Variants in GSK3B observed in about 807,000 individuals in gnomAD.
The protein encoded by GSK3B is glycogen synthase kinase-3 beta.
In GSK3B, 15 loss-of-function variants were observed where a neutral mutation model predicts 56.4. The observed-to-expected ratio is 0.27, with a 90% confidence interval of 0.18 to 0.41. The LOEUF is 0.41. Ranked by LOEUF, GSK3B falls within the 10% of genes least tolerant of loss-of-function variation. GSK3B has a pLI of 1.00. For missense variants in GSK3B, 300 were observed against 513.4 expected (o/e 0.58, Z 4.02); for synonymous variants, 181 against 188.9 (o/e 0.96, Z 0.34).
At chr3:119,836,478 A>C (rs896693869) in intron 10 of GSK3B, among the ~76,000 whole-genome samples, 11 of 152,170 alleles carry the variant, frequency 7.2e-5, no homozygotes, top group African/African-American at 2.7e-4. Flanking sequence ...TTAAACTCAC[A>C]ATCTATAGTC....
At chr3:119,938,908 T>C (rs2057021155) in intron 3 of GSK3B, among the ~76,000 whole-genome samples, 1 of 152,022 alleles carries the variant, frequency 6.6e-6, no homozygotes, top group Non-Finnish European at 1.5e-5. Context: ...TCTCAGGCAC[T>C]GGGCTAAGCA....
rs368751527 is a variant in GSK3B, at chr3:119,933,483, A to G, written c.367-10000T>C. On this transcript the variant is annotated intron_variant, in intron 3 of 10. Transcript: ENST00000264235. The stretch of plus-strand genomic sequence containing the variant: ...GCATGCATAAAATTTGTGAAGAGCA[A>G]GAAATTAAAAACACATCTGCATGCC... 9.8e-5 allele frequency among the ~76,000 whole-genome samples: 15 copies of G among 152,374 alleles called. 1 individual carries two copies. In the East Asian group the frequency reaches 2.3e-3, roughly 23 times the overall value.
chr3:120,001,879 T>A (rs2057680322), intron 2 of GSK3B, among the ~76,000 whole-genome samples, 167 bp downstream of exon 2: 1 of 152,210 alleles, frequency 6.6e-6, no homozygotes, highest in South Asian at 2.1e-4. Flanking sequence ...GTGAATGTTA[T>A]CTCTACAAAA....
At chr3:119,852,351 T>C (rs181718344) in intron 9 of GSK3B, among the ~76,000 whole-genome samples, 1 of 150,936 alleles carries the variant, frequency 6.6e-6, no homozygotes, top group African/African-American at 2.5e-5. Flanking sequence ...TTCAGAACTC[T>C]ATTTTTTTTT....
chr3:119,826,523 ATG>A lies in GSK3B; in HGVS notation c.*263_*264del. 1.7e-6 allele frequency: 1 copy of A among 574,042 alleles called. No homozygotes were observed. Among genetic ancestry groups the A allele is most frequent in the Middle Eastern group, 4.8e-4 (1 of 2,088 alleles). 35.6% of individuals were successfully genotyped at this position (574,042 alleles called of 1,614,324 possible). ...AAGATTGTCGTGGGAGAGAGATTGT[ATG>A]TTCTAGTGCTCCGCTTTCCCCCTCC... On this transcript the variant is annotated 3_prime_UTR_variant, in exon 11 of 11. Transcript: ENST00000264235.
At chr3:120,088,171 C>T (rs1357456941) in intron 1 of GSK3B, among the ~76,000 whole-genome samples, 1 of 152,164 alleles carries the variant, frequency 6.6e-6, no homozygotes, top group African/African-American at 2.4e-5. Flanking sequence ...GGATTACAGG[C>T]GTGAGCCACC....
chr3:120,053,104 AGGTG>A (rs1467013900), intron 1 of GSK3B, among the ~76,000 whole-genome samples: 2 of 152,176 alleles, frequency 1.3e-5, no homozygotes, highest in South Asian at 2.1e-4. Context: ...TGGGAGGCCG[AGGTG>A]GGTGGATCAC....
At chr3:120,021,669 C>T (rs903522040) in intron 1 of GSK3B, among the ~76,000 whole-genome samples, 4 of 152,154 alleles carry the variant, frequency 2.6e-5, no homozygotes, top group Non-Finnish European at 4.4e-5. Flanking sequence ...GAATTAGAAA[C>T]AGAGCCTGAA....
intron 10 of GSK3B, among the ~76,000 whole-genome samples, chr3:119,832,537 T>C (rs192699246): frequency 6.6e-6 from 1 of 152,150 alleles, no homozygotes; most frequent in Admixed American, 6.5e-5. Context: ...CATTTAGGGG[T>C]TGCACTCACA....
chr3:119,970,925 T>C (rs894673236), intron 2 of GSK3B, among the ~76,000 whole-genome samples: 5 of 152,232 alleles, frequency 3.3e-5, no homozygotes, highest in African/African-American at 9.6e-5. Flanking sequence ...TAAATGAAAA[T>C]ATCACTTCAC....
chr3:119,851,560 G>A (rs2055931109), intron 9 of GSK3B, among the ~76,000 whole-genome samples: 1 of 152,116 alleles, frequency 6.6e-6, no homozygotes, highest in African/African-American at 2.4e-5. Context: ...GAATCAGAGG[G>A]AAGAAAATCA....
intron 7 of GSK3B, among the ~76,000 whole-genome samples, chr3:119,889,415 A>G (rs1429900463): frequency 1.3e-5 from 2 of 152,164 alleles, no homozygotes; most frequent in African/African-American, 2.4e-5. Context: ...ACTATAGCAC[A>G]AAGAACAGGA....
At chr3:120,092,379 T>G (rs1030372860) in intron 1 of GSK3B, among the ~76,000 whole-genome samples, 14 of 152,164 alleles carry the variant, frequency 9.2e-5, no homozygotes, top group African/African-American at 2.9e-4. Flanking sequence ...TCTAACTAAA[T>G]CCACAGTTAT....
chr3:119,863,648 T>A, intron 8 of GSK3B, 43 bp from the exon 9 acceptor site: 1 of 1,223,158 alleles, frequency 8.2e-7, no homozygotes, highest in South Asian at 1.3e-5. Context: ...TGTTTTATTT[T>A]AAGAATCTAA....
chr3:120,074,895 A>T (rs1258340780), intron 1 of GSK3B, among the ~76,000 whole-genome samples: 1 of 152,210 alleles, frequency 6.6e-6, no homozygotes, highest in African/African-American at 2.4e-5. Flanking sequence ...CACATTTGAT[A>T]AGGCCAGCAT....
At chr3:119,988,912 A>G (rs2057539320) in intron 2 of GSK3B, among the ~76,000 whole-genome samples, 2 of 152,240 alleles carry the variant, frequency 1.3e-5, no homozygotes, top group South Asian at 4.1e-4. Context: ...AAAATGGGAA[A>G]CTGGAAAAAG....
rs553909916 is a variant in GSK3B, at chr3:119,884,106, AAG to A, written c.814-7600_814-7599del. ...GATGGGCATACAAATATACAGAAAA[AAG>A]AGAAATTGAAACAGAAGGCTGAGTT... On this transcript the variant is annotated intron_variant, in intron 7 of 10. Transcript: ENST00000264235. Among the ~76,000 whole-genome samples the A allele has an allele frequency of 1.1e-4, 16 of 152,194 alleles. No homozygotes were observed. In the East Asian group the frequency reaches 3.1e-3, roughly 29 times the overall value.
chr3:119,849,408 T>C (rs577824099), intron 9 of GSK3B, among the ~76,000 whole-genome samples: 222 of 152,200 alleles, frequency 1.5e-3, no homozygotes, highest in Non-Finnish European at 2.8e-3. Flanking sequence ...TCAATAACCA[T>C]GTGCTCGATA....
chr3:119,968,460 A>C (rs995112136), intron 2 of GSK3B, among the ~76,000 whole-genome samples: 2 of 152,260 alleles, frequency 1.3e-5, no homozygotes, highest in African/African-American at 4.8e-5. Context: ...CATCACGAGC[A>C]AGTGACATTT....
Sources: gnomAD v4.1 joint callset for allele counts (sites outside exome capture counted in the v4.1 genomes callset) on GRCh38, gnomAD v4.1.1 for gene constraint, MANE v1.5 for transcripts, NCBI Gene and HGNC (gene_info 2026-07-23, HGNC 2026-07-21) for gene names.